MYO9A: variants seen among roughly 807,000 people sequenced by gnomAD.
MYO9A encodes unconventional myosin-IXa.
A neutral mutation model predicts 293.3 loss-of-function variants in MYO9A; 103 were observed. The ratio of observed to expected loss-of-function variants is 0.35; its 90% confidence interval spans 0.30 to 0.41. MYO9A has a LOEUF of 0.41. Ranked by LOEUF, MYO9A falls within the 10% of genes least tolerant of loss-of-function variation. The pLI is 1.00. For missense variants in MYO9A, 2,685 were observed against 3,033.0 expected (o/e 0.89, Z 2.69); for synonymous variants, 1,001 against 1,035.7 (o/e 0.97, Z 0.64).
At chr15:72,041,476 C>T (rs939110348) in intron 2 of MYO9A, 2 of 357,202 alleles carry the variant, frequency 5.6e-6, no homozygotes, top group Admixed American at 7.8e-5. Flanking sequence ...ACAGCAATTC[C>T]AACAAGGTGA....
Position 71,880,259 on chromosome 15 carries a change from G to C in MYO9A, c.5622+76C>G, listed in dbSNP as rs929959230. On this transcript the variant is annotated intron_variant, in intron 29 of 41. Transcript: ENST00000356056. ...GAAGCATATGTAATTTTGATATCTA[G>C]AGAGTATATCCTGATATACACAAGT... is the stretch of plus-strand genomic sequence containing the variant. The C allele has an allele frequency of 3.3e-5, 40 of 1,223,618 alleles. 1 individual carries two copies. The highest frequency in any genetic ancestry group is 4.5e-5 in the African/African-American group (3 of 66,478). The allele number at this position is 1,223,618 out of a possible 1,614,324, so 75.8% of individuals were successfully genotyped here.
intron 1 of MYO9A, among the ~76,000 whole-genome samples, chr15:72,085,407 A>T (rs189579705): frequency 1.8e-4 from 27 of 151,920 alleles, no homozygotes; most frequent in African/African-American, 3.9e-4. Flanking sequence ...AAAAAAAAAA[A>T]GAAAAAATGA....
chr15:71,835,312 A>C (rs1372244528), intron 39 of MYO9A, among the ~76,000 whole-genome samples: 2 of 152,184 alleles, frequency 1.3e-5, no homozygotes, highest in Admixed American at 6.5e-5. Flanking sequence ...AAGAAAAAGA[A>C]AGAAAAGGTA....
chr15:71,994,619 A>AT (rs1197511471), intron 9 of MYO9A, 34 bp from the exon 10 acceptor site: 1 of 1,274,382 alleles, frequency 7.8e-7, no homozygotes, highest in Non-Finnish European at 1.1e-6. Context: ...TGCATGTAGA[A>AT]TTGACAATGA....
At chr15:71,915,226 G>C (rs879400205) in intron 19 of MYO9A, among the ~76,000 whole-genome samples, 1 of 151,878 alleles carries the variant, frequency 6.6e-6, no homozygotes, top group Admixed American at 6.6e-5. Flanking sequence ...ACTCTGGATT[G>C]TGAGGACAGA....
intron 33 of MYO9A, among the ~76,000 whole-genome samples, chr15:71,861,798 T>TACTATTAAGTCTAAGTGAAAGAA: frequency 6.6e-6 from 1 of 151,846 alleles, no homozygotes; most frequent in East Asian, 1.9e-4. Flanking sequence ...GGTAATAAGT[T>TACTATTAAGTCTAAGTGAAAGAA]CTATAAAGAC....
At chr15:72,043,598 T>C (rs1160359238) in intron 2 of MYO9A, among the ~76,000 whole-genome samples, 2 of 152,176 alleles carry the variant, frequency 1.3e-5, no homozygotes, top group Non-Finnish European at 2.9e-5. Context: ...AAAGGGTACA[T>C]ACTATGTGGT....
chr15:71,988,761 G>A (rs2148298237), intron 11 of MYO9A, among the ~76,000 whole-genome samples: 1 of 152,282 alleles, frequency 6.6e-6, no homozygotes, highest in East Asian at 1.9e-4. Flanking sequence ...GATGAAACCT[G>A]TGTCTGCCTA....
At chr15:71,940,190 G>A (rs1235150974) in intron 15 of MYO9A, among the ~76,000 whole-genome samples, 4 of 152,298 alleles carry the variant, frequency 2.6e-5, no homozygotes, top group Non-Finnish European at 4.4e-5. Context: ...AAGACTCTTT[G>A]TGCTGTTTAA....
chr15:72,096,146 G>A (rs1347291260), intron 1 of MYO9A, among the ~76,000 whole-genome samples: 1 of 142,342 alleles, frequency 7.0e-6, no homozygotes, highest in African/African-American at 2.7e-5. Context: ...CTGAGTGACA[G>A]AGCGAGACTG....
chr15:71,983,130 T>C (rs2076316630), intron 11 of MYO9A, among the ~76,000 whole-genome samples: 1 of 152,162 alleles, frequency 6.6e-6, no homozygotes, highest in South Asian at 2.1e-4. Context: ...ATATTTAATG[T>C]AATCACTAAT....
At chr15:71,887,385 C>G (rs1015898633) in intron 27 of MYO9A, among the ~76,000 whole-genome samples, 34 of 152,240 alleles carry the variant, frequency 2.2e-4, no homozygotes, top group African/African-American at 7.5e-4. Flanking sequence ...GCTCTCTACC[C>G]TCCCCTGTTC....
chr15:71,929,006 G>A (rs2058402827), intron 18 of MYO9A, among the ~76,000 whole-genome samples: 1 of 151,568 alleles, frequency 6.6e-6, no homozygotes, highest in Non-Finnish European at 1.5e-5. Flanking sequence ...ATGAGTTCAA[G>A]GTACAGTGAG....
intron 13 of MYO9A, among the ~76,000 whole-genome samples, chr15:71,966,439 T>C (rs2075881005): frequency 1.3e-5 from 2 of 152,160 alleles, no homozygotes; most frequent in South Asian, 2.1e-4. Context: ...TTGTGCACTT[T>C]ATGCACAATA....
chr15:71,848,278 T>C (rs2055479122), intron 39 of MYO9A, among the ~76,000 whole-genome samples: 1 of 151,616 alleles, frequency 6.6e-6, no homozygotes. Flanking sequence ...AAGGAAGATA[T>C]TAAAAAGTGG....
intron 1 of MYO9A, among the ~76,000 whole-genome samples, chr15:72,048,141 TGTAATCTCAACACTTTGGGAA>T (rs1273868385): frequency 6.6e-6 from 1 of 152,086 alleles, no homozygotes; most frequent in Admixed American, 6.6e-5. Flanking sequence ...GGCTCATATC[TGTAATCTCAACACTTTGGGAA>T]GCCAAGGCGG....
intron 1 of MYO9A, among the ~76,000 whole-genome samples, chr15:72,076,682 T>C (rs1443084648): frequency 6.6e-6 from 1 of 152,204 alleles, no homozygotes; most frequent in African/African-American, 2.4e-5. Context: ...AACTCATCTA[T>C]AGATTCAACA....
At chr15:71,928,081 TTTTTTTTG>T in intron 18 of MYO9A, among the ~76,000 whole-genome samples, 1 of 29,222 alleles carries the variant, frequency 3.4e-5, no homozygotes, top group African/African-American at 9.0e-5. Flanking sequence ...TTTTTTTTTT[TTTTTTTTG>T]AGGCGGAGTC....
intron 1 of MYO9A, among the ~76,000 whole-genome samples, chr15:72,092,393 T>C (rs1391130682): frequency 1.3e-5 from 2 of 152,086 alleles, no homozygotes; most frequent in Non-Finnish European, 2.9e-5. Context: ...ACAGCAAACT[T>C]TTTCTGTAAA....
Sources: allele counts gnomAD v4.1 joint callset (sites outside exome capture counted in the v4.1 genomes callset), GRCh38; gene constraint gnomAD v4.1.1; transcripts MANE v1.5; gene names NCBI Gene and HGNC (gene_info 2026-07-23, HGNC 2026-07-21).